The following NHLRC2 variants were observed in gnomAD, a reference collection of about 807,000 sequenced individuals.
The protein encoded by NHLRC2 is NHL repeat containing 2.
A neutral mutation model predicts 68.1 loss-of-function variants in NHLRC2; 33 were observed. The ratio of observed to expected loss-of-function variants is 0.48; its 90% CI spans 0.37 to 0.65. The LOEUF is 0.65. Ranked by LOEUF, NHLRC2 falls within the 30% of genes least tolerant of loss-of-function variation. The pLI is 0.00. For missense variants in NHLRC2, 761 were observed against 853.8 expected (o/e 0.89, Z 1.35); for synonymous variants, 311 against 309.6 (o/e 1.00, Z -0.05).
intron 6 of NHLRC2, among the ~76,000 whole-genome samples, chr10:113,898,675 G>A (rs978196479): frequency 6.6e-6 from 1 of 152,178 alleles, no homozygotes; most frequent in Non-Finnish European, 1.5e-5. Flanking sequence ...TTAAGACATA[G>A]TTGAACTATC....
At chr10:113,879,057 A>G (rs376299642) in intron 3 of NHLRC2, among the ~76,000 whole-genome samples, 16 of 152,314 alleles carry the variant, frequency 1.1e-4, no homozygotes, top group African/African-American at 3.6e-4. Flanking sequence ...TACAGTGTGT[A>G]TGATATATCG....
At chr10:113,896,022 G>A (rs1479454555) in intron 5 of NHLRC2, among the ~76,000 whole-genome samples, 1 of 152,178 alleles carries the variant, frequency 6.6e-6, no homozygotes, top group Non-Finnish European at 1.5e-5. Context: ...AACAGCAGGT[G>A]CTGGAGAGGA....
rs751944493 is a variant in NHLRC2 at position 113,901,663 on chromosome 10, C to T, written c.1140-3C>T. Reference sequence around the variant, plus strand: ...ACTCCACCTATGAACTTGTCTTTTTCAGTGAGTTAACAAAAGGAACCTGCC... The same window carrying T: ...ACTCCACCTATGAACTTGTCTTTTTTAGTGAGTTAACAAAAGGAACCTGCC... On this transcript the variant is annotated splice_region_variant and splice_polypyrimidine_tract_variant and intron_variant, in intron 6 of 10. Coordinates refer to ENST00000369301, the MANE Select transcript of NHLRC2 (RefSeq NM_198514.4). 6.2e-7 allele frequency: 1 copy of T among 1,602,430 alleles called. No individual in the cohort carries two copies. Among genetic ancestry groups the T allele is most frequent in the South Asian group, 1.1e-5 (1 of 90,810 alleles).
At position 113,858,579 on chromosome 10, in the gene NHLRC2, G is replaced by A. The variant is rs768905713; in HGVS notation, c.230G>A (p.Cys77Tyr). 4 of 1,610,206 alleles carry A rather than the reference G, an allele frequency of 2.5e-6. No homozygotes were observed. The change falls in exon 2 of 11, where the codon TGT (cysteine) becomes TAT (tyrosine). Residue 77 changes from cysteine (C) to tyrosine (Y), a missense_variant. Cys to Tyr is a radical substitution (Grantham distance 194, BLOSUM62 -2). Transcript: ENST00000369301. The part of the protein sequence containing the change: ...EEPISVYKDL[C>Y]GKIVVLDFFT... ...CCTATTTCTGTCTACAAGGATCTAT[G>A]TGGAAAAATAGTCGTCCTTGATTTC...
intron 5 of NHLRC2, among the ~76,000 whole-genome samples, chr10:113,891,001 C>T (rs1484634951): frequency 6.6e-6 from 1 of 152,148 alleles, no homozygotes; most frequent in Non-Finnish European, 1.5e-5. Flanking sequence ...AGAACTCATT[C>T]ACTATCATGA....
In NHLRC2 at chr10:113,894,552, T is replaced by G. The variant is rs1486974126; in HGVS notation, c.1040-3558T>G. On this transcript the variant is annotated intron_variant, in intron 5 of 10. Transcript: ENST00000369301. The stretch of plus-strand genomic sequence containing the variant: ...AACTACAGTTTTATTTCTAATCTTT[T>G]TGTGCTTTGCTTCTTTTTCCTTCTT... Among the ~76,000 whole-genome samples the G allele has an allele frequency of 2.6e-5, 4 of 152,118 alleles. No homozygotes were observed. The East Asian group carries it at 7.7e-4, about 29-fold the overall frequency.
Position 113,911,260 on chromosome 10 carries a change from A to T in NHLRC2, c.*2724A>T, listed in dbSNP as rs1846325966. 1 of 152,072 alleles carries T rather than the reference A, an allele frequency of 6.6e-6. No homozygotes were observed. The highest frequency in any genetic ancestry group is 2.4e-5 in the African/African-American group (1 of 41,414). 9.4% of individuals were successfully genotyped at this position (152,072 alleles called of 1,614,324 possible). A position where few individuals can be genotyped will look rare whatever the true frequency, so the allele number is the denominator to read the frequency against. On this transcript the variant is annotated 3_prime_UTR_variant, in exon 11 of 11. Transcript: ENST00000369301. ...CTCTTTATTATTTCACAAATGGTAGAATTTCTTGATATGATTCTTGTAAAG... is the reference window on the plus strand; with the variant it reads ...CTCTTTATTATTTCACAAATGGTAGTATTTCTTGATATGATTCTTGTAAAG...
chr10:113,906,844 C>T (rs978367283), intron 10 of NHLRC2, among the ~76,000 whole-genome samples: 8 of 152,010 alleles, frequency 5.3e-5, no homozygotes, highest in African/African-American at 1.4e-4. Flanking sequence ...AAAAATTAGC[C>T]GAGTGTGGTA....
chr10:113,864,403 A>G (rs1186364086), intron 2 of NHLRC2, among the ~76,000 whole-genome samples: 1 of 152,328 alleles, frequency 6.6e-6, no homozygotes, highest in Non-Finnish European at 1.5e-5. Flanking sequence ...AAGAAACTAT[A>G]AGAACACAAA....
intron 5 of NHLRC2, among the ~76,000 whole-genome samples, chr10:113,891,841 A>G (rs539619132): frequency 2.4e-4 from 36 of 152,162 alleles, no homozygotes; most frequent in Non-Finnish European, 4.1e-4. Flanking sequence ...CCTTGAGGAA[A>G]GGATGTGGGG....
At chr10:113,863,694 A>T (rs564906264) in intron 2 of NHLRC2, among the ~76,000 whole-genome samples, 38 of 152,238 alleles carry the variant, frequency 2.5e-4, no homozygotes, top group African/African-American at 7.9e-4. Context: ...TGGTTCTCTA[A>T]AAGTACCAGA....
chr10:113,874,006 C>T (rs558943164), intron 2 of NHLRC2, among the ~76,000 whole-genome samples: 1 of 152,102 alleles, frequency 6.6e-6, no homozygotes, highest in Non-Finnish European at 1.5e-5. Flanking sequence ...GGTACTTATT[C>T]ATATGACTGG....
rs1305907979 is a variant in NHLRC2 at position 113,913,616 on chromosome 10, AC to A, written c.*5081del. 11 of 152,278 alleles carry A rather than the reference AC, an allele frequency of 7.2e-5. No individual in the cohort carries two copies. The highest frequency in any genetic ancestry group is 2.4e-4 in the African/African-American group (10 of 41,570). 9.4% of individuals were successfully genotyped at this position (152,278 alleles called of 1,614,324 possible). ...TATCATAAAGAGCCTTTTGCACAGG[AC>A]TATCTCAAACCCTAAGAAGCTATTC... On this transcript the variant is annotated 3_prime_UTR_variant, in exon 11 of 11. Coordinates refer to ENST00000369301, the MANE Select transcript of NHLRC2 (RefSeq NM_198514.4).
chr10:113,896,137 A>G (rs1846175336), intron 5 of NHLRC2, among the ~76,000 whole-genome samples: 1 of 152,116 alleles, frequency 6.6e-6, no homozygotes, highest in Non-Finnish European at 1.5e-5. Context: ...AACTAGAAAT[A>G]CCATTTGACC....
In NHLRC2 at chr10:113,904,784, T is replaced by C. The variant is rs779491331; in HGVS notation, c.1705-33T>C. 4.1e-6 allele frequency: 6 copies of C among 1,463,740 alleles called. No individual in the cohort carries two copies. The South Asian group carries it at 6.9e-5, about 17-fold the overall frequency. The allele number at this position is 1,463,740 out of a possible 1,614,324, so 90.7% of individuals were successfully genotyped here. A position where few individuals can be genotyped will look rare whatever the true frequency, so the allele number is the denominator to read the frequency against. On this transcript the variant is annotated intron_variant, in intron 9 of 10. Coordinates refer to ENST00000369301, the MANE Select transcript of NHLRC2 (RefSeq NM_198514.4). ...CATTCTATAATTAATATAAAGTTCT[T>C]GTGTTTTAATAACAGATTTTCTTAT...
intron 2 of NHLRC2, among the ~76,000 whole-genome samples, chr10:113,866,691 T>C (rs1845870633): frequency 6.6e-6 from 1 of 152,032 alleles, no homozygotes; most frequent in South Asian, 2.1e-4. Context: ...AATAAGTCTA[T>C]ATATAATTTC....
rs754270098 is a variant in NHLRC2, at chr10:113,904,919, C to T, written c.1807C>T (p.Leu603Phe). 9 of 1,607,616 alleles carry T rather than the reference C, an allele frequency of 5.6e-6. No homozygotes were observed. The highest frequency in any genetic ancestry group is 4.2e-6 in the Non-Finnish European group (5 of 1,177,738). The change falls in exon 10 of 11, where the codon CTT becomes TTT. Residue 603 changes from leucine to phenylalanine, a missense_variant. Transcript: ENST00000369301. The stretch of plus-strand genomic sequence containing the variant: ...ACCTAAATCTGCTCCAAGCATTAGG[C>T]TTTCCCCCGTGACTGCGTGTGCTGG... Reference protein sequence around the residue: ...KLPKSAPSIRLSPVTACAGQT... With the variant: ...KLPKSAPSIRFSPVTACAGQT...
rs1846334713 is a variant in NHLRC2, at chr10:113,912,001, ATTTTT to A, written c.*3466_*3470del. On this transcript the variant is annotated 3_prime_UTR_variant, in exon 11 of 11. Transcript: ENST00000369301. ...CTTATATAATAACTTTTTAAAAGTC[ATTTTT>A]ATTACCAGAGCTCAGAACATTGTTT... 1 of 152,180 alleles carries A rather than the reference ATTTTT, an allele frequency of 6.6e-6. No homozygotes were observed. Among genetic ancestry groups the A allele is most frequent in the Admixed American group, 6.5e-5 (1 of 15,276 alleles). The allele number at this position is 152,180 out of a possible 1,614,324, so 9.4% of individuals were successfully genotyped here.
chr10:113,897,644 C>T (rs1846188395), intron 5 of NHLRC2, among the ~76,000 whole-genome samples: 1 of 152,142 alleles, frequency 6.6e-6, no homozygotes, highest in Non-Finnish European at 1.5e-5. Context: ...TCTAGAATAA[C>T]TGAAACATTG....
Sources: gnomAD v4.1 joint callset for allele counts (sites outside exome capture counted in the v4.1 genomes callset) on GRCh38, gnomAD v4.1.1 for gene constraint, MANE v1.5 for transcripts, NCBI Gene and HGNC (gene_info 2026-07-23, HGNC 2026-07-21) for gene names.